The following SORD variants were observed in gnomAD, a reference collection of about 807,000 sequenced individuals.
SORD encodes sorbitol dehydrogenase.
A neutral mutation model predicts 35.6 loss-of-function variants in SORD; 18 were observed. The ratio of observed to expected loss-of-function variants is 0.51; its 90% confidence interval spans 0.35 to 0.75. SORD has a LOEUF of 0.75. Among genes scored for constraint, SORD ranks in the 30% least tolerant of loss-of-function variants. The pLI is 0.01. For missense variants in SORD, 250 were observed against 390.2 expected (o/e 0.64, Z 3.03); for synonymous variants, 106 against 152.9 (o/e 0.69, Z 2.26).
intron 1 of SORD, among the ~76,000 whole-genome samples, chr15:45,039,286 G>A (rs1027005979): frequency 2.2e-4 from 34 of 152,058 alleles, no homozygotes; most frequent in Non-Finnish European, 1.3e-4. Context: ...GTGCCACCAC[G>A]CCCGGCTAAT....
chr15:45,035,911 C>G (rs531431792), intron 1 of SORD, among the ~76,000 whole-genome samples: 1 of 151,634 alleles, frequency 6.6e-6, no homozygotes, highest in Non-Finnish European at 1.5e-5. Context: ...CCGAACACAT[C>G]TGAACATCAG....
At chr15:45,060,881 C>A (rs1893291720) in intron 3 of SORD, 186 bp from the exon 4 acceptor site, 1 of 1,342,240 alleles carries the variant, frequency 7.5e-7, no homozygotes, top group Non-Finnish European at 1.0e-6. Flanking sequence ...ACCCTGGGTC[C>A]CCAGGGAGGA....
intron 2 of SORD, chr15:45,041,736 G>A (rs1892968726): frequency 6.6e-6 from 1 of 152,184 alleles, no homozygotes; most frequent in South Asian, 2.1e-4. Context: ...GGCTGTCTTG[G>A]ACACAGAGTA....
rs369894585 is a variant in SORD at position 45,073,548 on chromosome 15, C to T, written c.*18C>T. The T allele has an allele frequency of 1.3e-5, 20 of 1,599,024 alleles. No individual in the cohort carries two copies. The highest frequency in any genetic ancestry group is 1.7e-5 in the Non-Finnish European group (20 of 1,175,592). On this transcript the variant is annotated 3_prime_UTR_variant, in exon 9 of 9. Coordinates refer to ENST00000267814, the MANE Select transcript of SORD (RefSeq NM_003104.6). ...ATCCCTGATGTTAATGGGCTCTGCC[C>T]TCATCCCCACAGTCTTGGGATCTCA...
chr15:45,038,165 T>C (rs1246055006), intron 1 of SORD, among the ~76,000 whole-genome samples: 10 of 148,170 alleles, frequency 6.7e-5, no homozygotes, highest in African/African-American at 2.6e-4. Flanking sequence ...CCTTCCTTCC[T>C]TCCTTCCTTC....
At chr15:45,054,982 T>C (rs1893191287) in intron 3 of SORD, among the ~76,000 whole-genome samples, 1 of 152,208 alleles carries the variant, frequency 6.6e-6, no homozygotes, top group Admixed American at 6.5e-5. Context: ...TTCTGAGGGC[T>C]CTGTTCTGTT....
rs752752947 is a variant in SORD at position 45,065,264 on chromosome 15, T to C, written c.426-7T>C. The C allele has an allele frequency of 1.7e-4, 272 of 1,605,594 alleles. No homozygotes were observed. The highest frequency in any genetic ancestry group is 2.3e-5 in the Non-Finnish European group (27 of 1,175,096). ...AGAGGATCTCTGTGTGTCAATTGAC[T>C]CCTCAGGCTTCCTGACAATGTCACC... On this transcript the variant is annotated splice_polypyrimidine_tract_variant and splice_region_variant and intron_variant, in intron 4 of 8. Transcript: ENST00000267814.
chr15:45,062,976 T>C (rs563704494), intron 4 of SORD, among the ~76,000 whole-genome samples: 1 of 148,676 alleles, frequency 6.7e-6, no homozygotes, highest in Non-Finnish European at 1.5e-5. Flanking sequence ...TACCAAGCTA[T>C]GCCATAGTCA....
chr15:45,055,839 G>A (rs1249928366), intron 3 of SORD, among the ~76,000 whole-genome samples: 1,949 of 152,060 alleles, frequency 0.013, 51 homozygotes, highest in African/African-American at 0.045. Flanking sequence ...TTCAATATAC[G>A]CAAATCAATA....
intron 6 of SORD, 142 bp from the exon 7 acceptor site, chr15:45,068,735 T>C (rs1665708337): frequency 1.1e-6 from 1 of 930,308 alleles, no homozygotes; most frequent in East Asian, 2.8e-5. Flanking sequence ...GAAGAGTATG[T>C]GTGTTGGGCT....
At chr15:45,062,443 G>A (rs1893333632) in intron 4 of SORD, among the ~76,000 whole-genome samples, 1 of 152,114 alleles carries the variant, frequency 6.6e-6, no homozygotes, top group Non-Finnish European at 1.5e-5. Context: ...CAACCCAGAT[G>A]CATTCTTCCC....
intron 3 of SORD, among the ~76,000 whole-genome samples, chr15:45,047,422 G>A (rs1011588356): frequency 1.3e-5 from 2 of 152,164 alleles, no homozygotes; most frequent in African/African-American, 2.4e-5. Context: ...ACAGAGGTGA[G>A]CAGACAGTCA....
chr15:45,027,124 C>T (rs77675005), intron 1 of SORD, among the ~76,000 whole-genome samples: 29,846 of 147,834 alleles, frequency 0.2, no homozygotes, highest in African/African-American at 0.44. Flanking sequence ...GAGAACAAAA[C>T]GAAACAACAA....
chr15:45,066,372 C>T (rs1056044194), intron 5 of SORD, among the ~76,000 whole-genome samples: 115 of 151,536 alleles, frequency 7.6e-4, no homozygotes, highest in Non-Finnish European at 1.2e-3. Context: ...AGTACAGCAG[C>T]GCGATCTTGG....
intron 1 of SORD, among the ~76,000 whole-genome samples, chr15:45,023,946 G>T (rs551921773): frequency 5.3e-4 from 81 of 152,292 alleles, no homozygotes; most frequent in African/African-American, 1.9e-3. Context: ...TGCCAGACTT[G>T]TGGATCTTGA....
chr15:45,039,159 T>C (rs1892923573), intron 1 of SORD, among the ~76,000 whole-genome samples: 1 of 152,096 alleles, frequency 6.6e-6, no homozygotes, highest in Non-Finnish European at 1.5e-5. Context: ...GACAGAATCT[T>C]ACCCTGTCAC....
chr15:45,048,937 T>C (rs1893086457), intron 3 of SORD, among the ~76,000 whole-genome samples: 1 of 152,218 alleles, frequency 6.6e-6, no homozygotes, highest in East Asian at 1.9e-4. Flanking sequence ...GCTGTGAGCA[T>C]GTCTTAGGCA....
intron 1 of SORD, among the ~76,000 whole-genome samples, chr15:45,027,868 C>T (rs11632296): frequency 1.3e-5 from 2 of 152,324 alleles, no homozygotes; most frequent in South Asian, 2.1e-4. Context: ...TAAGGAAATG[C>T]GGGGAATTAA....
chr15:45,059,028 C>T (rs1156765543), intron 3 of SORD, among the ~76,000 whole-genome samples: 2 of 152,140 alleles, frequency 1.3e-5, no homozygotes, highest in Non-Finnish European at 2.9e-5. Context: ...TGGGAGTGCA[C>T]TGATTACACA....
Sources: gnomAD v4.1 joint callset for allele counts (sites outside exome capture counted in the v4.1 genomes callset) on GRCh38, gnomAD v4.1.1 for gene constraint, MANE v1.5 for transcripts, NCBI Gene and HGNC (gene_info 2026-07-23, HGNC 2026-07-21) for gene names.